TMEM38B: variants seen among roughly 807,000 people sequenced by gnomAD.
TMEM38B encodes trimeric intracellular cation channel type B.
A neutral mutation model predicts 28.7 loss-of-function variants in TMEM38B; 24 were observed. The observed-to-expected ratio is 0.84, with a 90% CI of 0.61 to 1.18. TMEM38B has a LOEUF of 1.18. TMEM38B is among the 50% of genes most tolerant of loss of function. The pLI is 0.00. For missense variants in TMEM38B, 380 were observed against 350.9 expected, an observed-to-expected ratio of 1.08 and a Z score of -0.66; for synonymous variants, 131 against 127.7, an observed-to-expected ratio of 1.03 and a Z score of -0.17.
chr9:105,741,418 G>C (rs750593382), intron 4 of TMEM38B, among the ~76,000 whole-genome samples: 1 of 152,158 alleles, frequency 6.6e-6, no homozygotes, highest in Non-Finnish European at 1.5e-5. Context: ...CGAAGGAAGT[G>C]AGGAGCATAT....
intron 4 of TMEM38B, among the ~76,000 whole-genome samples, chr9:105,744,245 CA>C: frequency 6.6e-6 from 1 of 151,912 alleles, no homozygotes; most frequent in Non-Finnish European, 1.5e-5. Context: ...GAACAATTTA[CA>C]AAAGATAATC....
At chr9:105,694,795 C>T (rs1436797141) in intron 1 of TMEM38B, 23 bp downstream of exon 1, 17 of 1,580,528 alleles carry the variant, frequency 1.1e-5, no homozygotes, top group Non-Finnish European at 1.5e-5. Flanking sequence ...CGCCGCGGGC[C>T]GGACCCCTCA....
intron 5 of TMEM38B, among the ~76,000 whole-genome samples, chr9:105,752,518 C>A (rs905699325): frequency 5.9e-5 from 9 of 152,180 alleles, no homozygotes; most frequent in African/African-American, 2.2e-4. Context: ...ATGATACCTC[C>A]AGGTTTGGGA....
intron 5 of TMEM38B, among the ~76,000 whole-genome samples, chr9:105,767,918 G>GT (rs1351436550): frequency 2.0e-5 from 3 of 152,056 alleles, no homozygotes; most frequent in Non-Finnish European, 2.9e-5. Flanking sequence ...CCCGGATGCT[G>GT]TTTTTTTCCT....
In TMEM38B at chr9:105,776,113, G is replaced by A. The variant is rs1010380554; in HGVS notation, c.*2033G>A. ...TGTTAGACTCCTTACCCAATGTGAA[G>A]TGTGAATAAGGCCTATAGGCCTGCC... On this transcript the variant is annotated 3_prime_UTR_variant, in exon 6 of 6. Coordinates refer to ENST00000374692, the MANE Select transcript of TMEM38B (RefSeq NM_018112.3). 3 of 152,066 alleles carry A rather than the reference G, an allele frequency of 2.0e-5. No homozygotes were observed. Among genetic ancestry groups the A allele is most frequent in the Non-Finnish European group, 4.4e-5 (3 of 68,024 alleles). The allele number at this position is 152,066 out of a possible 1,614,324, so 9.4% of individuals were successfully genotyped here. A position where few individuals can be genotyped will look rare whatever the true frequency, so the allele number is the denominator to read the frequency against.
intron 5 of TMEM38B, among the ~76,000 whole-genome samples, chr9:105,761,167 CTAAGTA>C (rs1190754710): frequency 6.6e-6 from 1 of 152,086 alleles, no homozygotes; most frequent in Admixed American, 6.6e-5. Flanking sequence ...TTCTTTGTTT[CTAAGTA>C]TAAGAATGTG....
intron 5 of TMEM38B, among the ~76,000 whole-genome samples, chr9:105,769,124 T>G (rs1826465767): frequency 6.6e-6 from 1 of 152,138 alleles, no homozygotes; most frequent in Non-Finnish European, 1.5e-5. Context: ...TCTTAAAAAT[T>G]AAGGGATAAA....
chr9:105,772,252 T>C (rs1826571115), intron 5 of TMEM38B, among the ~76,000 whole-genome samples: 1 of 152,178 alleles, frequency 6.6e-6, no homozygotes, highest in Non-Finnish European at 1.5e-5. Flanking sequence ...AGTTTAGGGA[T>C]TGGTAAATTC....
intron 1 of TMEM38B, among the ~76,000 whole-genome samples, chr9:105,701,808 A>T (rs1197758373): frequency 6.6e-6 from 1 of 152,228 alleles, no homozygotes; most frequent in Non-Finnish European, 1.5e-5. Context: ...AAATCAGAGA[A>T]TCTATATGGG....
At chr9:105,736,217 CCTT>C (rs368705386) in intron 4 of TMEM38B, among the ~76,000 whole-genome samples, 4 of 152,176 alleles carry the variant, frequency 2.6e-5, no homozygotes, top group African/African-American at 9.6e-5. Flanking sequence ...TGTCCCTTCT[CCTT>C]CTGTAGCTTT....
intron 5 of TMEM38B, among the ~76,000 whole-genome samples, chr9:105,771,159 A>G (rs151223306): frequency 8.0e-4 from 122 of 152,338 alleles, no homozygotes; most frequent in African/African-American, 2.0e-3. Context: ...GTAAGAGACT[A>G]TGAAGCCAAA....
chr9:105,710,527 CTG>C (rs1382710900), intron 2 of TMEM38B: 1 of 1,150,894 alleles, frequency 8.7e-7, no homozygotes. Context: ...CCTGGGCAAA[CTG>C]TATTTCAATC....
At chr9:105,713,030 T>C (rs1350556611) in intron 2 of TMEM38B, among the ~76,000 whole-genome samples, 1 of 152,192 alleles carries the variant, frequency 6.6e-6, no homozygotes, top group Non-Finnish European at 1.5e-5. Context: ...CCCAGTGCCA[T>C]GCACCACGGA....
intron 4 of TMEM38B, among the ~76,000 whole-genome samples, chr9:105,724,593 A>C (rs1456079142): frequency 6.6e-6 from 1 of 151,556 alleles, no homozygotes; most frequent in Non-Finnish European, 1.5e-5. Context: ...ACTGCACTCC[A>C]GCCTGGGTGA....
intron 1 of TMEM38B, among the ~76,000 whole-genome samples, chr9:105,703,309 ACT>A (rs1458790270): frequency 6.6e-6 from 1 of 152,136 alleles, no homozygotes; most frequent in Admixed American, 6.5e-5. Context: ...ACATGGTGGA[ACT>A]CTGTCTCTAC....
chr9:105,742,652 GTGCATTTTCTA>G (rs1443754090), intron 4 of TMEM38B, among the ~76,000 whole-genome samples: 1 of 152,122 alleles, frequency 6.6e-6, no homozygotes, highest in Non-Finnish European at 1.5e-5. Context: ...CCTTGCCCCA[GTGCATTTTCTA>G]TGAAATCCTT....
chr9:105,725,186 C>A (rs1364974979), intron 4 of TMEM38B, among the ~76,000 whole-genome samples: 1 of 151,950 alleles, frequency 6.6e-6, no homozygotes. Flanking sequence ...AATTGCAACA[C>A]CTCGTTCTAT....
intron 1 of TMEM38B, among the ~76,000 whole-genome samples, chr9:105,702,082 A>T (rs1835480310): frequency 6.6e-6 from 1 of 152,128 alleles, no homozygotes; most frequent in Non-Finnish European, 1.5e-5. Flanking sequence ...AAACCAAAAA[A>T]ATCCCCCAAA....
intron 4 of TMEM38B, among the ~76,000 whole-genome samples, chr9:105,725,731 T>A (rs983368945): frequency 2.0e-5 from 3 of 152,128 alleles, no homozygotes; most frequent in Non-Finnish European, 4.4e-5. Context: ...AAAAATATGG[T>A]CTGAAAGATA....
Sources: allele counts gnomAD v4.1 joint callset (sites outside exome capture counted in the v4.1 genomes callset), GRCh38; gene constraint gnomAD v4.1.1; transcripts MANE v1.5; gene names NCBI Gene and HGNC (gene_info 2026-07-23, HGNC 2026-07-21).